DUX4: variants seen among roughly 807,000 people sequenced by gnomAD.
DUX4 encodes double homeobox protein 4.
At chr4:190,178,461 A>C (rs1742427019), downstream of DUX4, among the ~76,000 whole-genome samples, 6,665 of 62,738 alleles carry the variant, frequency 0.11, no homozygotes, top group African/African-American at 0.22. Flanking sequence ...TACATCACCT[A>C]GTTGATCAGT....
At chr4:190,179,474 ATAT>A, downstream of DUX4, among the ~76,000 whole-genome samples, 1 of 150,280 alleles carries the variant, frequency 6.7e-6, no homozygotes, top group South Asian at 2.1e-4. Flanking sequence ...GAGAAGAGTT[ATAT>A]CACCTGGGTG....
chr4:190,182,208 T>TAGGGTG (rs1208701370), intron 1 of DUX4: 3 of 110,484 alleles, frequency 2.7e-5, no homozygotes, highest in Non-Finnish European at 4.2e-5. Flanking sequence ...GGGTGAGGGT[T>TAGGGTG]AGGGTGAGGG....
downstream of DUX4, among the ~76,000 whole-genome samples, chr4:190,178,137 T>A (rs2126571852): frequency 7.3e-5 from 11 of 149,752 alleles, no homozygotes; most frequent in Admixed American, 2.0e-4. Context: ...TACAGAGTGA[T>A]GTCACAACGC....
At chr4:190,181,468 G>A (rs1579837479) in intron 1 of DUX4, among the ~76,000 whole-genome samples, 2,300 of 75,764 alleles carry the variant, frequency 0.03, 2 homozygotes, top group Middle Eastern at 0.045. Flanking sequence ...TCACCTAGAT[G>A]ATCAGTGCAG....
chr4:190,176,070 G>C (rs1414883793), downstream of DUX4, among the ~76,000 whole-genome samples: 1 of 111,654 alleles, frequency 9.0e-6, no homozygotes, highest in Non-Finnish European at 2.1e-5. Flanking sequence ...ATCACCTAGT[G>C]ATCAGTGCAG....
downstream of DUX4, among the ~76,000 whole-genome samples, chr4:190,179,735 G>C (rs1579835890): frequency 2.6e-5 from 4 of 152,280 alleles, no homozygotes; most frequent in Non-Finnish European, 4.4e-5. Context: ...GCACAGCCTA[G>C]ACAAGAGTTA....
downstream of DUX4, among the ~76,000 whole-genome samples, chr4:190,179,541 T>A (rs1579835627): frequency 8.6e-4 from 119 of 138,366 alleles, no homozygotes; most frequent in South Asian, 1.8e-3. Flanking sequence ...AGACAAGAGT[T>A]ATATCACCTG....
chr4:190,176,638 C>G (rs1177291450), downstream of DUX4, among the ~76,000 whole-genome samples: 1 of 123,138 alleles, frequency 8.1e-6, no homozygotes, highest in Non-Finnish European at 1.9e-5. Flanking sequence ...AGATGTGTCA[C>G]AAAGCCCCTG....
downstream of DUX4, among the ~76,000 whole-genome samples, chr4:190,178,490 ACCC>A (rs1742428530): frequency 1.7e-5 from 2 of 116,274 alleles, no homozygotes; most frequent in Non-Finnish European, 3.8e-5. Context: ...ATTTCACAAT[ACCC>A]CCTGTAGGCA....
rs1742210004 is a variant in DUX4 at position 190,175,192 on chromosome 4, G to T, written c.*144G>T. On this transcript the variant is annotated 3_prime_UTR_variant, in exon 1 of 2. Transcript: ENST00000565211. ...ACCGGCCTGGGATTCCTGCCTTCTA[G>T]GTCTAGGCCCGGTGAGAGACTCCAC... is the stretch of plus-strand genomic sequence containing the variant. 4.8e-5 allele frequency: 8 copies of T among 167,520 alleles called. No homozygotes were observed. Among genetic ancestry groups the T allele is most frequent in the South Asian group, 1.7e-4 (2 of 11,816 alleles). 10.4% of individuals were successfully genotyped at this position (167,520 alleles called of 1,614,324 possible).
chr4:190,179,612 G>T (rs1579835779), downstream of DUX4, among the ~76,000 whole-genome samples: 1 of 152,048 alleles, frequency 6.6e-6, no homozygotes. Context: ...AAAAGTTACA[G>T]CACCTGGGAG....
chr4:190,181,406 G>A (rs1235606736), intron 1 of DUX4, among the ~76,000 whole-genome samples: 23 of 642 alleles, frequency 0.036, no homozygotes, highest in African/African-American at 0.057. Flanking sequence ...TGGTTGATCA[G>A]TAAGAGATAT....
At chr4:190,179,441 A>ATGCCTTGT, downstream of DUX4, among the ~76,000 whole-genome samples, 1 of 151,882 alleles carries the variant, frequency 6.6e-6, no homozygotes. Context: ...ATATGTCACA[A>ATGCCTTGT]AGCACCCTGT....
chr4:190,177,959 T>C (rs1579833539), downstream of DUX4, among the ~76,000 whole-genome samples: 20 of 150,400 alleles, frequency 1.3e-4, no homozygotes, highest in Admixed American at 2.0e-4. Flanking sequence ...AGGCAGAGCC[T>C]AGACAAGAGT....
At chr4:190,179,436 T>A (rs1579835512), downstream of DUX4, among the ~76,000 whole-genome samples, 21 of 127,500 alleles carry the variant, frequency 1.6e-4, no homozygotes, top group Admixed American at 8.2e-5. Context: ...CAGGGATATG[T>A]CACAAAGCAC....
At chr4:190,181,317 TCCCATC>T in intron 1 of DUX4, among the ~76,000 whole-genome samples, 1 of 79,208 alleles carries the variant, frequency 1.3e-5, no homozygotes, top group African/African-American at 4.9e-5. Flanking sequence ...TAAAGAAGAG[TCCCATC>T]CCCTGGGTGA....
downstream of DUX4, among the ~76,000 whole-genome samples, chr4:190,176,905 A>T (rs1742328600): frequency 7.6e-6 from 1 of 130,782 alleles, no homozygotes; most frequent in Non-Finnish European, 1.7e-5. Flanking sequence ...GTGCAGTGAT[A>T]TGTCACAAAA....
At chr4:190,179,655 T>G (rs1742507505), downstream of DUX4, among the ~76,000 whole-genome samples, 1 of 152,276 alleles carries the variant, frequency 6.6e-6, no homozygotes, top group African/African-American at 2.4e-5. Context: ...ATGTCCCCAG[T>G]AGGCAGAGAC....
At chr4:190,175,983 A>G (rs1742286195), downstream of DUX4, 1 of 109,894 alleles carries the variant, frequency 9.1e-6, no homozygotes, top group East Asian at 3.3e-4. Flanking sequence ...GAACCTAGAG[A>G]ATGGTTACAT....
Sources: allele counts gnomAD v4.1 joint callset (sites outside exome capture counted in the v4.1 genomes callset), GRCh38; gene constraint gnomAD v4.1.1; transcripts MANE v1.5; gene names NCBI Gene and HGNC (gene_info 2026-07-23, HGNC 2026-07-21).